Variants in PACS2 observed in about 807,000 individuals in gnomAD.
PACS2 encodes the protein PACS1-like protein.
Under a neutral mutation model 113.0 loss-of-function variants are expected in PACS2, and 36 were observed. The observed-to-expected ratio is 0.32, with a 90% CI of 0.24 to 0.42. PACS2 has a LOEUF of 0.42. PACS2 is among the 10% of genes least tolerant of loss of function. The pLI is 1.00. For synonymous variants in PACS2, 589 were observed against 536.1 expected (o/e 1.10, Z -1.36); for missense variants, 1,015 against 1,239.5 (o/e 0.82, Z 2.72).
Position 105,382,877 on chromosome 14 carries a change from C to A in PACS2, c.1589C>A (p.Ala530Glu). The stretch of plus-strand genomic sequence containing the variant: ...ACGTGCTCTCCTGCGGACGTCCAGG[C>A]GGCCTTCAGCACCATCGTCTCACGG... ...VCTCSPADVQAAFSTIVSRIQ... is the reference protein window; with the variant it reads ...VCTCSPADVQEAFSTIVSRIQ... The change falls in exon 15 of 25, where the codon GCG (alanine) becomes GAG (glutamate). Residue 530 changes from alanine to glutamate, a missense_variant. This residue lies in a region of PACS2 where 859 missense variants were observed against 1,056.8 expected (regional missense o/e 0.81). Transcript: ENST00000447393. The A allele has an allele frequency of 6.2e-7, 1 of 1,606,276 alleles. No homozygotes were observed.
rs2080796408 is a variant in PACS2 at position 105,376,771 on chromosome 14, C to T, written c.805C>T (p.Leu269=). The T allele has an allele frequency of 1.2e-6, 2 of 1,612,558 alleles. No homozygotes were observed. The highest frequency in any genetic ancestry group is 1.7e-6 in the Non-Finnish European group (2 of 1,179,624). Reference sequence around the variant, plus strand: ...CGCGTGCCTGGCACCCGTGCAGGTCCTGGACTCGGAGCAGGACCCTGCGGA... The same window carrying T: ...CGCGTGCCTGGCACCCGTGCAGGTCTTGGACTCGGAGCAGGACCCTGCGGA... ...LRRFKVSDEV[L]DSEQDPAEHI... The change falls in exon 9 of 25, where the codon CTG becomes TTG. Residue 269 remains leucine (L), a synonymous_variant. Coordinates refer to ENST00000447393, the MANE Select transcript of PACS2 (RefSeq NM_001100913.3). The surrounding 1 kb of genome is among the most constrained non-coding windows in gnomAD (Gnocchi z 4.7).
rs2060956202 is a variant in PACS2, at chr14:105,366,759, G to A, written c.424-454G>A. On this transcript the variant is annotated intron_variant, in intron 4 of 24. Transcript: ENST00000447393. This position sits in a 1 kb window ranked among gnomAD's most constrained non-coding sequence, Gnocchi z 4.3. ...AGCCGGCTTCACACACTGCTTTGCT[G>A]CTGCTGAGCTCTTGGGTGGGTGGAG... 6.6e-6 allele frequency among the ~76,000 whole-genome samples: 1 copy of A among 152,204 alleles called. No individual in the cohort carries two copies. The highest frequency in any genetic ancestry group is 2.4e-5 in the African/African-American group (1 of 41,452).
At chr14:105,378,551 T>C (rs927156772) in intron 9 of PACS2, among the ~76,000 whole-genome samples, 7 of 152,162 alleles carry the variant, frequency 4.6e-5, no homozygotes, top group Non-Finnish European at 7.4e-5. Context: ...CTGAGACCAA[T>C]GGCGTGCGCC....
At chr14:105,392,110 A>T (rs1376750791) in intron 22 of PACS2, 1 of 366,122 alleles carries the variant, frequency 2.7e-6, no homozygotes, top group Non-Finnish European at 5.0e-6. Flanking sequence ...TCCTCATGGG[A>T]TGAGCTTCGA....
At chr14:105,368,930 C>G (rs1446827637) in intron 7 of PACS2, among the ~76,000 whole-genome samples, 1 of 152,226 alleles carries the variant, frequency 6.6e-6, no homozygotes, top group African/African-American at 2.4e-5. Context: ...CCTCCACGGT[C>G]CCCAGGAGCT....
intron 8 of PACS2, among the ~76,000 whole-genome samples, chr14:105,375,298 T>C (rs1251630798): frequency 6.6e-6 from 1 of 151,916 alleles, no homozygotes; most frequent in African/African-American, 2.4e-5. Context: ...GCTAACACGG[T>C]GAAACCCCAT....
intron 4 of PACS2, among the ~76,000 whole-genome samples, chr14:105,359,587 CTTTTTTTTTTTTT>C (rs1162190552): frequency 2.0e-5 from 2 of 101,810 alleles, no homozygotes; most frequent in African/African-American, 4.1e-5. Flanking sequence ...GTATTTCTTT[CTTTTTTTTTTTTT>C]TTTTTTTTTG....
At chr14:105,389,799 A>T in intron 19 of PACS2, 162 bp from the exon 20 acceptor site, 1 of 684,404 alleles carries the variant, frequency 1.5e-6, no homozygotes, top group Non-Finnish European at 2.7e-6. Flanking sequence ...GTGGTTGGAG[A>T]TGGGTGGGGC....
chr14:105,393,165 T>TGGCCCC (rs2081418747), intron 23 of PACS2, 57 bp from the exon 24 acceptor site: 3 of 1,381,978 alleles, frequency 2.2e-6, no homozygotes, highest in East Asian at 2.3e-5. Flanking sequence ...CCCCTGGCCC[T>TGGCCCC]GGCCCCAGCC....
At position 105,330,554 on chromosome 14, in the gene PACS2, G is replaced by T. The variant is rs1308660636; in HGVS notation, c.119+15517G>T. Among the ~76,000 whole-genome samples the T allele has an allele frequency of 6.6e-6, 1 of 152,214 alleles. No homozygotes were observed. The highest frequency in any genetic ancestry group is 1.5e-5 in the Non-Finnish European group (1 of 68,030). ...GCAGCCAGCCCTGACCCAGCTGGGT[G>T]TGTGGCCGCTCTCTGGACCCCCGGT... is the stretch of plus-strand genomic sequence containing the variant. On this transcript the variant is annotated intron_variant, in intron 1 of 24. Transcript: ENST00000447393. This position sits in a 1 kb window ranked among gnomAD's most constrained non-coding sequence, Gnocchi z 6.9.
At chr14:105,306,222 G>T (rs749473756) in intron 1 of PACS2, among the ~76,000 whole-genome samples, 11 of 152,286 alleles carry the variant, frequency 7.2e-5, no homozygotes, top group Non-Finnish European at 1.3e-4. Flanking sequence ...TGAAGGACAC[G>T]CCTAGGCACC....
chr14:105,381,138 C>T (rs1232955474), intron 12 of PACS2, 39 bp downstream of exon 12: 20 of 1,578,566 alleles, frequency 1.3e-5, no homozygotes, highest in African/African-American at 4.0e-5. Flanking sequence ...CGGTGATGCA[C>T]CTGTCGGGGG....
intron 1 of PACS2, among the ~76,000 whole-genome samples, chr14:105,345,382 G>A (rs1287263838): frequency 1.3e-5 from 2 of 152,188 alleles, no homozygotes; most frequent in African/African-American, 4.8e-5. Context: ...ACTCCAGCCT[G>A]GGCAACAGAG....
intron 1 of PACS2, among the ~76,000 whole-genome samples, chr14:105,316,998 C>A (rs1484214994): frequency 6.6e-6 from 1 of 152,196 alleles, no homozygotes; most frequent in East Asian, 1.9e-4. Flanking sequence ...TGGAACAGGG[C>A]CCCTCATAGG....
chr14:105,391,544 C>T, intron 21 of PACS2, 87 bp from the exon 22 acceptor site: 1 of 528,576 alleles, frequency 1.9e-6, no homozygotes, highest in Non-Finnish European at 3.2e-6. Flanking sequence ...AGCTGCCTGG[C>T]CTGGCCACAT....
rs2058501389 is a variant in PACS2 at position 105,314,954 on chromosome 14, G to A, written c.36G>A (p.Ala12=). Residue 12 remains alanine, a synonymous_variant, in exon 1 of 25, where the codon GCG becomes GCA. Transcript: ENST00000447393. ...AERGRLGLPG[A]PGALNTPVPM... is the part of the protein sequence containing the mutation. ...GAGGCCGCCTCGGCCTCCCCGGCGC[G>A]CCCGGCGCGCTCAACACGCCCGTGC... 2.5e-6 allele frequency: 3 copies of A among 1,185,490 alleles called. No individual in the cohort carries two copies. The highest frequency in any genetic ancestry group is 6.1e-5 in the East Asian group (1 of 16,364). The allele number at this position is 1,185,490 out of a possible 1,614,324, so 73.4% of individuals were successfully genotyped here.
In PACS2 at chr14:105,348,087, C is replaced by A. The variant is rs1443553386; in HGVS notation, c.120-406C>A. 6.6e-6 allele frequency among the ~76,000 whole-genome samples: 1 copy of A among 152,106 alleles called. No individual in the cohort carries two copies. The highest frequency in any genetic ancestry group is 2.4e-5 in the African/African-American group (1 of 41,424). ...TGGGCAGGATTTGGGGCGGCTGGGC[C>A]TGGGGCTGGATAGGGCCGCGGGAGA... On this transcript the variant is annotated intron_variant, in intron 1 of 24. Coordinates refer to ENST00000447393, the MANE Select transcript of PACS2 (RefSeq NM_001100913.3). This position sits in a 1 kb window ranked among gnomAD's most constrained non-coding sequence, Gnocchi z 6.4.
chr14:105,327,299 G>GA (rs1299760201), intron 1 of PACS2, among the ~76,000 whole-genome samples: 3 of 152,220 alleles, frequency 2.0e-5, no homozygotes, highest in Admixed American at 6.5e-5. Context: ...GTGGTAGCCT[G>GA]AGGGGATGTG....
Position 105,392,798 on chromosome 14 carries a change from C to G in PACS2, c.2435C>G (p.Thr812Arg), listed in dbSNP as rs782208120. ...CCCAGCAGCGGCGAGGCTGCAGCCA[C>G]GCCCACCATGTCCATGACCGTGGTC... ...RLPSSGEAAA[T>R]PTMSMTVVTK... The change falls in exon 23 of 25, where the codon ACG becomes AGG. Residue 812 changes from threonine to arginine, a missense_variant. By Grantham distance (71) the Thr-to-Arg change is moderately conservative. Around this residue, in one of 3 missense-constraint regions of PACS2, gnomAD observed 859 missense variants for 1,056.8 expected, o/e 0.81. Transcript: ENST00000447393. 6.2e-7 allele frequency: 1 copy of G among 1,609,274 alleles called. No homozygotes were observed. The highest frequency in any genetic ancestry group is 1.3e-5 in the African/African-American group (1 of 74,908).
Sources: gnomAD v4.1 joint callset for allele counts (sites outside exome capture counted in the v4.1 genomes callset) on GRCh38, gnomAD v4.1.1 for gene constraint, gnomAD v4.1.1 regional missense constraint, Gnocchi (gnomAD v3.1) non-coding constraint, MANE v1.5 for transcripts, NCBI Gene and HGNC (gene_info 2026-07-23, HGNC 2026-07-21) for gene names.